The following THNSL1 variants were observed in gnomAD, a reference collection of about 807,000 sequenced individuals.
THNSL1 encodes threonine synthase-like 1.
A neutral mutation model predicts 50.4 loss-of-function variants in THNSL1; 48 were observed. That is an observed-to-expected ratio of 0.95 (90% CI 0.76 to 1.21). The LOEUF (loss-of-function observed/expected upper bound fraction) is 1.21. THNSL1 is among the 50% of genes most tolerant of loss of function. The pLI is 0.00. For missense variants in THNSL1, 896 were observed against 871.7 expected (o/e 1.03, Z -0.35); for synonymous variants, 309 against 306.1 (o/e 1.01, Z -0.10).
chr10:25,005,142 T>C, the THNSL1 span, among the ~76,000 whole-genome samples: 1 of 152,202 alleles, frequency 6.6e-6, no homozygotes, highest in Non-Finnish European at 1.5e-5. Flanking sequence ...ACCAGTACCA[T>C]GCTGTTTTGG....
upstream of THNSL1, among the ~76,000 whole-genome samples, chr10:25,014,597 C>T (rs530973375): frequency 2.0e-5 from 3 of 152,058 alleles, no homozygotes; most frequent in Admixed American, 6.6e-5. Flanking sequence ...TAAAATAACT[C>T]TCAAATTCAA....
the THNSL1 span, among the ~76,000 whole-genome samples, chr10:25,006,388 T>C: frequency 1.3e-5 from 2 of 152,172 alleles, no homozygotes; most frequent in Non-Finnish European, 2.9e-5. Context: ...CCGAGAACAT[T>C]TGTGCTCCTC....
chr10:25,025,728 C>T lies in THNSL1; in HGVS notation c.*273C>T, dbSNP rs1229592523. The T allele has an allele frequency of 2.2e-5, 8 of 369,836 alleles. No individual in the cohort carries two copies. The highest frequency in any genetic ancestry group is 4.1e-5 in the Non-Finnish European group (8 of 196,034). The allele number at this position is 369,836 out of a possible 1,614,324, so 22.9% of individuals were successfully genotyped here. A position where few individuals can be genotyped will look rare whatever the true frequency, so the allele number is the denominator to read the frequency against. On this transcript the variant is annotated 3_prime_UTR_variant, in exon 3 of 3. Coordinates refer to ENST00000376356, the MANE Select transcript of THNSL1 (RefSeq NM_024838.5). The stretch of plus-strand genomic sequence containing the variant: ...ATGAGGGGTGTATCAATTTCCACTC[C>T]CACACCCTCACTGTTATGTGGACCA...
At chr10:25,001,163 T>C in the THNSL1 span, among the ~76,000 whole-genome samples, 3 of 152,144 alleles carry the variant, frequency 2.0e-5, no homozygotes, top group Admixed American at 6.5e-5. Context: ...TTCATTCTGC[T>C]GTATAAGTCC....
chr10:24,990,698 A>G, the THNSL1 span: 540 of 1,295,004 alleles, frequency 4.2e-4, 9 homozygotes, highest in Middle Eastern at 5.6e-3. Flanking sequence ...AAGAAAAAGA[A>G]ATGGTACAGA....
At chr10:25,000,078 G>A in the THNSL1 span, among the ~76,000 whole-genome samples, 3 of 151,794 alleles carry the variant, frequency 2.0e-5, no homozygotes, top group Non-Finnish European at 2.9e-5. Flanking sequence ...TACTTTTGAT[G>A]TCTTCTTTGA....
upstream of THNSL1, among the ~76,000 whole-genome samples, chr10:25,013,301 G>A (rs945997295): frequency 4.6e-5 from 7 of 152,142 alleles, no homozygotes; most frequent in Non-Finnish European, 8.8e-5. Flanking sequence ...TATTAAATTT[G>A]CAAATGACAC....
intron 1 of THNSL1, among the ~76,000 whole-genome samples, chr10:25,018,550 T>A (rs1293774742): frequency 1.3e-5 from 2 of 152,168 alleles, no homozygotes; most frequent in African/African-American, 4.8e-5. Context: ...GAAACTTGAT[T>A]TATGAAAATG....
At chr10:24,970,809 A>G in the THNSL1 span, among the ~76,000 whole-genome samples, 7 of 152,214 alleles carry the variant, frequency 4.6e-5, no homozygotes, top group Admixed American at 3.3e-4. Flanking sequence ...GGATCCCCTG[A>G]GGTCAGGAGT....
At chr10:24,971,715 C>T in the THNSL1 span, among the ~76,000 whole-genome samples, 1 of 152,148 alleles carries the variant, frequency 6.6e-6, no homozygotes, top group Non-Finnish European at 1.5e-5. Flanking sequence ...TTCCATTTAT[C>T]TTACAATGTG....
chr10:25,021,271 G>C (rs1052992552), intron 1 of THNSL1, among the ~76,000 whole-genome samples: 1 of 152,164 alleles, frequency 6.6e-6, no homozygotes, highest in Non-Finnish European at 1.5e-5. Flanking sequence ...ATATAGCTAA[G>C]AGGTATCTTT....
Position 25,023,495 on chromosome 10 carries a change from T to G in THNSL1, c.272T>G (p.Leu91Arg). 1 of 1,614,138 alleles carries G rather than the reference T, an allele frequency of 6.2e-7. No individual in the cohort carries two copies. Among genetic ancestry groups the G allele is most frequent in the Non-Finnish European group, 8.5e-7 (1 of 1,180,008 alleles). The change falls in exon 3 of 3, where the codon CTT (leucine) becomes CGT (arginine). Residue 91 changes from leucine to arginine, a missense_variant. By Grantham distance (102) the Leu-to-Arg change is moderately radical (BLOSUM62 -2). Coordinates refer to ENST00000376356, the MANE Select transcript of THNSL1 (RefSeq NM_024838.5). ...CCVIDVDDDI[L>R]EKTWNMSVSE... is the part of the protein sequence containing the mutation. The stretch of plus-strand genomic sequence containing the variant: ...GTCATAGATGTGGATGATGATATCC[T>G]TGAAAAAACCTGGAATATGAGTGTG...
At chr10:24,957,633 A>T in the THNSL1 span, among the ~76,000 whole-genome samples, 2 of 152,044 alleles carry the variant, frequency 1.3e-5, no homozygotes, top group Non-Finnish European at 2.9e-5. Flanking sequence ...GGCGCCCACC[A>T]CCACGCCCGG....
chr10:24,995,395 A>T, the THNSL1 span, among the ~76,000 whole-genome samples: 1 of 152,236 alleles, frequency 6.6e-6, no homozygotes, highest in Admixed American at 6.5e-5. Flanking sequence ...ATTGTTAAAT[A>T]TGTTAATAAT....
the THNSL1 span, among the ~76,000 whole-genome samples, chr10:25,004,481 T>C: frequency 2.4e-4 from 36 of 152,314 alleles, no homozygotes; most frequent in Admixed American, 7.2e-4. Context: ...TGGTATCTCA[T>C]TGTAGTTTTG....
the THNSL1 span, among the ~76,000 whole-genome samples, chr10:24,956,179 G>C: frequency 2.0e-5 from 3 of 151,744 alleles, no homozygotes. Flanking sequence ...TACACACGCA[G>C]GTTTGTTTGG....
chr10:25,017,502 A>G (rs1330871543), intron 1 of THNSL1, among the ~76,000 whole-genome samples: 5 of 152,152 alleles, frequency 3.3e-5, no homozygotes, highest in African/African-American at 1.2e-4. Context: ...GGAGTGATTA[A>G]AACAACACAA....
chr10:24,998,610 A>G, the THNSL1 span, among the ~76,000 whole-genome samples: 1 of 151,516 alleles, frequency 6.6e-6, no homozygotes, highest in Non-Finnish European at 1.5e-5. Context: ...TCTTTTCTTT[A>G]TTGCCCTAAG....
the THNSL1 span, among the ~76,000 whole-genome samples, chr10:24,997,923 T>C: frequency 6.6e-6 from 1 of 152,092 alleles, no homozygotes; most frequent in Non-Finnish European, 1.5e-5. Context: ...AATTCCATTT[T>C]AACATTTTCC....
Sources: allele counts gnomAD v4.1 joint callset (sites outside exome capture counted in the v4.1 genomes callset), GRCh38; gene constraint gnomAD v4.1.1; transcripts MANE v1.5; gene names NCBI Gene and HGNC (gene_info 2026-07-23, HGNC 2026-07-21).